The following LNPEP variants were observed in gnomAD, a reference collection of about 807,000 sequenced individuals.
LNPEP encodes leucyl and cystinyl aminopeptidase, also known as leucyl-cystinyl aminopeptidase.
A neutral mutation model predicts 120.6 loss-of-function variants in LNPEP; 64 were observed. The observed-to-expected ratio is 0.53, with a 90% CI of 0.43 to 0.65. The LOEUF is 0.65. Among genes scored for constraint, LNPEP ranks in the 30% least tolerant of loss-of-function variants. The probability of loss-of-function intolerance (pLI) is 0.00; values close to 1 mark genes in which losing one functional copy is unlikely to be tolerated. For missense variants in LNPEP, 1,057 were observed against 1,200.0 expected (o/e 0.88, Z 1.76); for synonymous variants, 435 against 425.4 (o/e 1.02, Z -0.28).
chr5:96,963,575 G>T (rs907580655), intron 1 of LNPEP, among the ~76,000 whole-genome samples: 4 of 152,156 alleles, frequency 2.6e-5, no homozygotes, highest in African/African-American at 7.2e-5. Context: ...AGTAGTAAAA[G>T]ATAAATGTTG....
intron 11 of LNPEP, among the ~76,000 whole-genome samples, chr5:97,013,109 G>C (rs1198726060): frequency 6.6e-6 from 1 of 152,084 alleles, no homozygotes; most frequent in Non-Finnish European, 1.5e-5. Context: ...TTGGGAGCCA[G>C]TTCAGTGCAT....
chr5:97,017,067 C>T (rs1363191308), intron 13 of LNPEP, among the ~76,000 whole-genome samples: 1 of 152,104 alleles, frequency 6.6e-6, no homozygotes, highest in East Asian at 1.9e-4. Flanking sequence ...TCAAATAGTT[C>T]TTCAAAGTTG....
Position 96,979,247 on chromosome 5 carries a change from G to A in LNPEP, c.129G>A (p.Glu43=), listed in dbSNP as rs1790067880. 2.5e-6 allele frequency: 4 copies of A among 1,613,860 alleles called. No homozygotes were observed. In the South Asian group the frequency reaches 3.3e-5, roughly 13 times the overall value. ...GTTTACATCCTCTAGAGCCTGATGAGGTGGAATATGAGCCCCGGGGTTCCC... is the reference window on the plus strand; with the variant it reads ...GTTTACATCCTCTAGAGCCTGATGAAGTGGAATATGAGCCCCGGGGTTCCC... The part of the protein sequence containing the change: ...EPCLHPLEPD[E]VEYEPRGSRL... The change falls in exon 2 of 18, where the codon GAG becomes GAA. Residue 43 remains glutamate (E), a synonymous_variant. Coordinates refer to ENST00000231368, the MANE Select transcript of LNPEP (RefSeq NM_005575.3).
At chr5:96,994,153 T>G (rs27304) in intron 6 of LNPEP, among the ~76,000 whole-genome samples, 182 bp downstream of exon 6, 2 of 152,214 alleles carry the variant, frequency 1.3e-5, no homozygotes, top group East Asian at 3.8e-4. Context: ...GATGTTTGAC[T>G]TTACAGGTTA....
At chr5:96,939,874 A>T (rs1389703132) in intron 1 of LNPEP, among the ~76,000 whole-genome samples, 8 of 146,862 alleles carry the variant, frequency 5.4e-5, no homozygotes, top group East Asian at 2.2e-4. Flanking sequence ...GAGTCTTTTT[A>T]AAAAAAAATT....
chr5:97,003,388 C>T, intron 8 of LNPEP, 27 bp from the exon 9 acceptor site: 5 of 1,294,828 alleles, frequency 3.9e-6, no homozygotes, highest in South Asian at 1.4e-5. Context: ...TATTTTCTTT[C>T]TTTTTCCTCA....
intron 1 of LNPEP, 23 bp downstream of exon 1, chr5:96,936,197 G>A (rs1561422172): frequency 7.0e-7 from 1 of 1,434,714 alleles, no homozygotes; most frequent in Non-Finnish European, 9.1e-7. Flanking sequence ...CCGAGGCGCC[G>A]GGACCCGGGC....
chr5:97,010,642 T>C lies in LNPEP; in HGVS notation c.2036-3006T>C, dbSNP rs1254561053. On this transcript the variant is annotated intron_variant, in intron 11 of 17. Transcript: ENST00000231368. ...TTGATTTTCGTAGCTCATTGACAAA[T>C]GGTTTTTAAAAATCACTGTTAGATT... The C allele has an allele frequency of 5.1e-6, 5 of 985,060 alleles. No individual in the cohort carries two copies. In the Admixed American group the frequency reaches 1.8e-4, roughly 36 times the overall value. The allele number at this position is 985,060 out of a possible 1,614,324, so 61.0% of individuals were successfully genotyped here. A position where few individuals can be genotyped will look rare whatever the true frequency, so the allele number is the denominator to read the frequency against.
intron 1 of LNPEP, among the ~76,000 whole-genome samples, chr5:96,939,419 G>A (rs1789000393): frequency 6.6e-6 from 1 of 151,888 alleles, no homozygotes; most frequent in African/African-American, 2.4e-5. Context: ...TCACCATGTT[G>A]GCCAGGTGAA....
At chr5:97,000,890 C>T (rs759775408) in intron 8 of LNPEP, among the ~76,000 whole-genome samples, 4 of 151,848 alleles carry the variant, frequency 2.6e-5, no homozygotes, top group Admixed American at 6.6e-5. Context: ...GAGAGAGATA[C>T]GAGATTGAGA....
At chr5:96,998,415 TC>T (rs1790569943) in intron 8 of LNPEP, among the ~76,000 whole-genome samples, 1 of 152,164 alleles carries the variant, frequency 6.6e-6, no homozygotes, top group Non-Finnish European at 1.5e-5. Flanking sequence ...GTCAGTTTAC[TC>T]TCCAGATCTA....
chr5:96,969,383 C>T (rs1789806671), intron 1 of LNPEP, among the ~76,000 whole-genome samples: 1 of 151,668 alleles, frequency 6.6e-6, no homozygotes, highest in Non-Finnish European at 1.5e-5. Flanking sequence ...AGAGGGAGAA[C>T]ATACTGTATT....
intron 1 of LNPEP, among the ~76,000 whole-genome samples, chr5:96,962,108 TAAA>T: frequency 6.6e-6 from 1 of 152,328 alleles, no homozygotes; most frequent in South Asian, 2.1e-4. Context: ...GGTACTATCC[TAAA>T]CCTCCATGCA....
chr5:96,948,858 T>C (rs1451459569), intron 1 of LNPEP, among the ~76,000 whole-genome samples: 1 of 152,202 alleles, frequency 6.6e-6, no homozygotes, highest in Non-Finnish European at 1.5e-5. Flanking sequence ...TTGACTACTG[T>C]ATAGTATAGT....
intron 1 of LNPEP, among the ~76,000 whole-genome samples, chr5:96,973,096 G>A (rs965007024): frequency 1.3e-5 from 2 of 152,126 alleles, no homozygotes; most frequent in African/African-American, 4.8e-5. Context: ...GAAAAGGGAC[G>A]ACTTAGATAC....
rs748083419 is a variant in LNPEP, at chr5:97,031,262, G to A, written c.*2729G>A. ...AAAAAAGTTATGAATGTAGGAATTAGATAAGTCCAGTTTGTTCTGTTAATA... is the reference window on the plus strand; with the variant it reads ...AAAAAAGTTATGAATGTAGGAATTAAATAAGTCCAGTTTGTTCTGTTAATA... On this transcript the variant is annotated 3_prime_UTR_variant, in exon 18 of 18. Coordinates refer to ENST00000231368, the MANE Select transcript of LNPEP (RefSeq NM_005575.3). 2.6e-5 allele frequency: 4 copies of A among 151,866 alleles called. No homozygotes were observed. The highest frequency in any genetic ancestry group is 5.9e-5 in the Non-Finnish European group (4 of 67,992). 9.4% of individuals were successfully genotyped at this position (151,866 alleles called of 1,614,324 possible). A position where few individuals can be genotyped will look rare whatever the true frequency, so the allele number is the denominator to read the frequency against.
chr5:96,944,045 C>G (rs1789122600), intron 1 of LNPEP, among the ~76,000 whole-genome samples: 1 of 152,126 alleles, frequency 6.6e-6, no homozygotes, highest in African/African-American at 2.4e-5. Flanking sequence ...TGGGTGTGCT[C>G]CCTTCCTCTT....
chr5:96,948,068 G>T (rs926512362), intron 1 of LNPEP, among the ~76,000 whole-genome samples: 1 of 151,712 alleles, frequency 6.6e-6, no homozygotes, highest in Non-Finnish European at 1.5e-5. Context: ...TGGGGAAGGG[G>T]CAGTGGTGAT....
At chr5:96,989,750 T>A (rs1013403852) in intron 4 of LNPEP, among the ~76,000 whole-genome samples, 1 of 152,160 alleles carries the variant, frequency 6.6e-6, no homozygotes, top group Admixed American at 6.6e-5. Flanking sequence ...AAAAGCTTTA[T>A]AATAATTGTA....
Sources: allele counts gnomAD v4.1 joint callset (sites outside exome capture counted in the v4.1 genomes callset), GRCh38; gene constraint gnomAD v4.1.1; transcripts MANE v1.5; gene names NCBI Gene and HGNC (gene_info 2026-07-23, HGNC 2026-07-21).